Variants in PRC1 observed in about 807,000 individuals in gnomAD.
The protein encoded by PRC1 is anaphase spindle elongation 1 homolog.
Under a neutral mutation model 91.2 loss-of-function variants are expected in PRC1, and 54 were observed. The ratio of observed to expected loss-of-function variants is 0.59; its 90% confidence interval spans 0.48 to 0.74. PRC1 has a LOEUF of 0.74. Ranked by LOEUF, PRC1 falls within the 30% of genes least tolerant of loss-of-function variation. PRC1 has a pLI of 0.00. For synonymous variants in PRC1, 275 were observed against 263.6 expected, an observed-to-expected ratio of 1.04 and a Z score of -0.42; for missense variants, 727 against 746.2, an observed-to-expected ratio of 0.97 and a Z score of 0.30.
In PRC1 at chr15:90,967,196, G is replaced by C. The variant is rs2037574714; in HGVS notation, c.1798C>G (p.Leu600Val). ...GCATCAGATTTGGAAGCCTTTGAAAGTTCTCGCTGTTGAAAAATAAATAAC... is the reference window on the plus strand; with the variant it reads ...GCATCAGATTTGGAAGCCTTTGAAACTTCTCGCTGTTGAAAAATAAATAAC... ...DSSTVGLQRE[L>V]SKASKSDATS... Residue 600 changes from leucine to valine, a missense_variant, in exon 15 of 15, where the codon CTT (leucine) becomes GTT (valine). By Grantham distance (32) the Leu-to-Val change is conservative. Transcript: ENST00000394249. 6.2e-7 allele frequency: 1 copy of C among 1,613,570 alleles called. No homozygotes were observed. The highest frequency in any genetic ancestry group is 1.3e-5 in the African/African-American group (1 of 75,032).
chr15:90,974,498 C>G lies in PRC1; in HGVS notation c.1350+87G>C. On this transcript the variant is annotated intron_variant, in intron 10 of 14. Transcript: ENST00000394249. The surrounding 1 kb of genome is among the most constrained non-coding windows in gnomAD (Gnocchi z 4.6). ...AGCCCCGGTCCCCGGCTCCCTGTTC[C>G]ACAAACCCTGGTCCCCGGCAGAGAC... is the stretch of plus-strand genomic sequence containing the variant. 6.4e-7 allele frequency: 1 copy of G among 1,568,486 alleles called. No individual in the cohort carries two copies. The highest frequency in any genetic ancestry group is 1.1e-5 in the South Asian group (1 of 87,592).
At chr15:90,980,458 C>T in intron 6 of PRC1, 69 bp from the exon 7 acceptor site, 1 of 1,512,512 alleles carries the variant, frequency 6.6e-7, no homozygotes, top group Non-Finnish European at 8.9e-7. Flanking sequence ...CAAAAGATCC[C>T]CCCCTTTTAA....
At position 90,970,299 on chromosome 15, in the gene PRC1, G is replaced by A. The variant is rs80204833; in HGVS notation, c.1572+105C>T. The A allele has an allele frequency of 3.3e-3, 2,812 of 851,648 alleles. 42 individuals are homozygous for A. The highest frequency in any genetic ancestry group is 0.026 in the African/African-American group (1,555 of 59,794). The allele number at this position is 851,648 out of a possible 1,614,324, so 52.8% of individuals were successfully genotyped here. A position where few individuals can be genotyped will look rare whatever the true frequency, so the allele number is the denominator to read the frequency against. On this transcript the variant is annotated intron_variant, in intron 12 of 14. Transcript: ENST00000394249. Reference sequence around the variant, plus strand: ...CTGTCAACTCTCAGCATCTCAATAAGAACCAAATCCAGGGATCTTAGAATC... The same window carrying A: ...CTGTCAACTCTCAGCATCTCAATAAAAACCAAATCCAGGGATCTTAGAATC...
rs138018675 is a variant in PRC1, at chr15:90,969,600, T to C, written c.1596A>G (p.Ser532=). The change falls in exon 13 of 15, where the codon TCA becomes TCG. Residue 532 remains serine, a synonymous_variant. Coordinates refer to ENST00000394249, the MANE Select transcript of PRC1 (RefSeq NM_003981.4). ...TGCCAGTACGGGGTGTTTTCTTCCC[T>C]GAACAGGTGGAAGCAGCGACTGGCT... ...GSKPVAASTC[S]GKKTPRTGRH... 84 of 1,606,000 alleles carry C rather than the reference T, an allele frequency of 5.2e-5. No individual in the cohort carries two copies. Among genetic ancestry groups the C allele is most frequent in the Non-Finnish European group, 6.9e-5 (81 of 1,176,560 alleles).
In PRC1 at chr15:90,980,461, C is replaced by G. The variant is rs185726107; in HGVS notation, c.823-72G>C. The G allele has an allele frequency of 4.8e-4, 720 of 1,496,574 alleles. 7 individuals are homozygous for G. In the Admixed American group the frequency reaches 0.013, roughly 27 times the overall value. 92.7% of individuals were successfully genotyped at this position (1,496,574 alleles called of 1,614,324 possible). Reference sequence around the variant, plus strand: ...CACTCAGGTTTGCAAAAGATCCCCCCCTTTTAAGTAAAATTATAATGCAAA... The same window carrying G: ...CACTCAGGTTTGCAAAAGATCCCCCGCTTTTAAGTAAAATTATAATGCAAA... On this transcript the variant is annotated intron_variant, in intron 6 of 14. Transcript: ENST00000394249.
chr15:90,989,646 T>C (rs139327082), intron 1 of PRC1, among the ~76,000 whole-genome samples: 1 of 151,656 alleles, frequency 6.6e-6, no homozygotes, highest in East Asian at 1.9e-4. Context: ...CAACTGTTTA[T>C]AGCAGCATTA....
At chr15:90,982,496 C>A (rs750537516) in intron 3 of PRC1, 1 of 157,598 alleles carries the variant, frequency 6.3e-6, no homozygotes, top group Non-Finnish European at 1.4e-5. Context: ...CGCCTATAAT[C>A]CCAGCACTTC....
At chr15:90,972,185 C>CAAAAAAAA (rs79751458) in intron 11 of PRC1, among the ~76,000 whole-genome samples, 1 of 58,614 alleles carries the variant, frequency 1.7e-5, no homozygotes, top group Non-Finnish European at 3.6e-5. Flanking sequence ...TACTGAAACT[C>CAAAAAAAA]AAAAAAAAAA....
intron 14 of PRC1, chr15:90,968,286 T>G: frequency 3.0e-6 from 3 of 985,466 alleles, no homozygotes; most frequent in Non-Finnish European, 3.6e-6. Flanking sequence ...CCACGTAATT[T>G]GAAAAACATG....
intron 8 of PRC1, among the ~76,000 whole-genome samples, chr15:90,977,576 G>GTT (rs777558725): frequency 0.015 from 1,409 of 95,448 alleles, 90 homozygotes; most frequent in East Asian, 0.052. Context: ...CCTTATTTAC[G>GTT]TTTTTTTTTT....
chr15:90,982,477 G>A lies in PRC1; in HGVS notation c.268-496C>T, dbSNP rs1043084502. The A allele has an allele frequency of 3.8e-5, 6 of 159,628 alleles. 1 individual carries two copies. The highest frequency in any genetic ancestry group is 1.2e-4 in the Admixed American group (2 of 16,648). 9.9% of individuals were successfully genotyped at this position (159,628 alleles called of 1,614,324 possible). On this transcript the variant is annotated intron_variant, in intron 3 of 14. Transcript: ENST00000394249. ...AATGTGTAAATTGGCAGCCAGGCAC[G>A]GTGGCTCACGCCTATAATCCCAGCA...
intron 3 of PRC1, chr15:90,983,792 T>G: frequency 2.4e-6 from 1 of 420,030 alleles, no homozygotes; most frequent in Non-Finnish European, 4.1e-6. Context: ...AGCAGCAGCT[T>G]CTTTTTGATC....
Position 90,969,122 on chromosome 15 carries a change from T to G in PRC1, c.1750-2A>C, listed in dbSNP as rs780259864. The stretch of plus-strand genomic sequence containing the variant: ...ACTGTCAGAGAGGGACGGATCCTTC[T>G]AAGAACAAAGAATTAAGACAATTAC... On this transcript the variant is annotated splice_acceptor_variant, in intron 13 of 14. Coordinates refer to ENST00000394249, the MANE Select transcript of PRC1 (RefSeq NM_003981.4). LOFTEE classifies it high-confidence loss of function. The G allele has an allele frequency of 3.7e-6, 6 of 1,612,394 alleles. No homozygotes were observed. Among genetic ancestry groups the G allele is most frequent in the Non-Finnish European group, 5.1e-6 (6 of 1,178,618 alleles).
At chr15:90,975,238 T>G (rs767755125) in intron 9 of PRC1, among the ~76,000 whole-genome samples, 35 of 152,294 alleles carry the variant, frequency 2.3e-4, no homozygotes, top group South Asian at 2.1e-4. Flanking sequence ...CCCGAGTAGC[T>G]GGGATTACAG....
chr15:90,968,683 C>G (rs1045438703), intron 14 of PRC1: 2 of 1,037,372 alleles, frequency 1.9e-6, no homozygotes, highest in African/African-American at 3.4e-5. Flanking sequence ...AAGGCATATA[C>G]TCCAGGAAAT....
chr15:90,985,467 G>C (rs1437312271), intron 1 of PRC1, among the ~76,000 whole-genome samples: 1 of 152,024 alleles, frequency 6.6e-6, no homozygotes. Context: ...CCGGCCTCAA[G>C]TGATCCGCCC....
At position 90,972,225 on chromosome 15, in the gene PRC1, A is replaced by C. The variant is rs200724044; in HGVS notation, c.1462-1711T>G. 1.4e-3 allele frequency among the ~76,000 whole-genome samples: 214 copies of C among 148,904 alleles called. 1 individual carries two copies. The highest frequency in any genetic ancestry group is 5.0e-3 in the African/African-American group (199 of 40,080). ...AAAAACACCACCAACAAAAAAAAAA[A>C]CCCCAAAATTAGCCGGGTATGGTGG... On this transcript the variant is annotated intron_variant, in intron 11 of 14. Transcript: ENST00000394249.
Position 90,972,198 on chromosome 15 carries a change from A to C in PRC1, c.1462-1684T>G, listed in dbSNP as rs560612212. On this transcript the variant is annotated intron_variant, in intron 11 of 14. Transcript: ENST00000394249. Reference sequence around the variant, plus strand: ...TCTACTGAAACTCAAAAAAAAAAAAAAAAAAACACCACCAACAAAAAAAAA... The same window carrying C: ...TCTACTGAAACTCAAAAAAAAAAAACAAAAAACACCACCAACAAAAAAAAA... Among the ~76,000 whole-genome samples the C allele has an allele frequency of 5.1e-3, 753 of 146,356 alleles. 13 individuals carry two copies. Among genetic ancestry groups the C allele is most frequent in the African/African-American group, 0.018 (712 of 38,554 alleles).
chr15:90,967,308 C>A, intron 14 of PRC1, 106 bp from the exon 15 acceptor site: 2 of 881,766 alleles, frequency 2.3e-6, no homozygotes, highest in Non-Finnish European at 3.7e-6. Context: ...AAGGTAGTTT[C>A]TCTGAGATCC....
Sources: allele counts gnomAD v4.1 joint callset (sites outside exome capture counted in the v4.1 genomes callset), GRCh38; gene constraint gnomAD v4.1.1; non-coding constraint Gnocchi (gnomAD v3.1); transcripts MANE v1.5; gene names NCBI Gene and HGNC (gene_info 2026-07-23, HGNC 2026-07-21).